The following LY86 variants were observed in gnomAD, a reference collection of about 807,000 sequenced individuals.
LY86 encodes the protein lymphocyte antigen 86, also known as MD-1, RP105-associated.
A neutral mutation model predicts 17.3 loss-of-function variants in LY86; 20 were observed. The observed-to-expected ratio is 1.15, with a 90% CI of 0.81 to 1.68. The LOEUF is 1.68. LY86 is among the 40% of genes most tolerant of loss of function. LY86 has a pLI of 0.00. For synonymous variants in LY86, 74 were observed against 70.6 expected (o/e 1.05, Z -0.24); for missense variants, 200 against 191.9 (o/e 1.04, Z -0.25).
intron 1 of LY86, among the ~76,000 whole-genome samples, chr6:6,621,864 G>A (rs541517563): frequency 1.3e-5 from 2 of 152,144 alleles, no homozygotes; most frequent in South Asian, 2.1e-4. Flanking sequence ...GAATGACAGA[G>A]GTATACAAAC....
chr6:6,593,233 G>A (rs1046500997), intron 1 of LY86, among the ~76,000 whole-genome samples: 2 of 152,210 alleles, frequency 1.3e-5, no homozygotes, highest in Non-Finnish European at 2.9e-5. Flanking sequence ...GCATTCCTTG[G>A]CCTGAGGCTT....
At chr6:6,652,503 C>T (rs988233715) in intron 4 of LY86, among the ~76,000 whole-genome samples, 12 of 152,204 alleles carry the variant, frequency 7.9e-5, no homozygotes, top group African/African-American at 2.9e-4. Flanking sequence ...CATCCAACCC[C>T]TTGGCCCGGA....
chr6:6,639,880 G>A (rs1762014006), intron 3 of LY86, among the ~76,000 whole-genome samples: 1 of 152,180 alleles, frequency 6.6e-6, no homozygotes, highest in Non-Finnish European at 1.5e-5. Context: ...TGTGTGCCAT[G>A]TGAAAAGGCC....
chr6:6,600,302 C>T (rs1020775284), intron 1 of LY86, among the ~76,000 whole-genome samples: 2 of 152,028 alleles, frequency 1.3e-5, no homozygotes, highest in Non-Finnish European at 2.9e-5. Flanking sequence ...GAAAATATAG[C>T]AGGTCAACCA....
chr6:6,618,705 C>T (rs995555667), intron 1 of LY86, among the ~76,000 whole-genome samples: 36 of 152,148 alleles, frequency 2.4e-4, no homozygotes, highest in Admixed American at 1.2e-3. Flanking sequence ...CCAGTTCATA[C>T]GTATGACTTG....
chr6:6,619,078 C>T lies in LY86; in HGVS notation c.137-5848C>T, dbSNP rs138334414. 1.0e-3 allele frequency among the ~76,000 whole-genome samples: 154 copies of T among 152,248 alleles called. 2 individuals are homozygous for T. The highest frequency in any genetic ancestry group is 6.8e-3 in the Middle Eastern group (2 of 294). ...TGCATCATCCTCCTGTAAAGGTCTA[C>T]GGTGACCCTTGAACGTCATCCTATG... On this transcript the variant is annotated intron_variant, in intron 1 of 4. Transcript: ENST00000230568.
chr6:6,599,283 G>C (rs1201975562), intron 1 of LY86, among the ~76,000 whole-genome samples: 1 of 152,196 alleles, frequency 6.6e-6, no homozygotes, highest in Non-Finnish European at 1.5e-5. Flanking sequence ...GTCTTCAGGA[G>C]CTCAAAACAG....
chr6:6,648,700 C>T (rs538077285), intron 3 of LY86, among the ~76,000 whole-genome samples: 2 of 152,136 alleles, frequency 1.3e-5, no homozygotes, highest in South Asian at 4.2e-4. Context: ...TTATTGATTA[C>T]CTCTTTTAAT....
intron 1 of LY86, among the ~76,000 whole-genome samples, chr6:6,612,470 A>G (rs1004396824): frequency 6.6e-6 from 1 of 152,202 alleles, no homozygotes; most frequent in Non-Finnish European, 1.5e-5. Context: ...TCATAAAAGC[A>G]ATGCAGACCC....
chr6:6,634,927 C>T (rs1200677668), intron 3 of LY86, among the ~76,000 whole-genome samples: 1 of 152,178 alleles, frequency 6.6e-6, no homozygotes, highest in East Asian at 1.9e-4. Flanking sequence ...TTACCCTCTG[C>T]GCTGCTGGAG....
At chr6:6,612,540 A>C (rs6936613) in intron 1 of LY86, among the ~76,000 whole-genome samples, 6 of 151,880 alleles carry the variant, frequency 4.0e-5, no homozygotes, top group Admixed American at 2.0e-4. Context: ...AACCACACAA[A>C]AGCAACGAAA....
At chr6:6,590,660 G>T (rs1002588886) in intron 1 of LY86, among the ~76,000 whole-genome samples, 2 of 152,188 alleles carry the variant, frequency 1.3e-5, no homozygotes, top group African/African-American at 4.8e-5. Flanking sequence ...TTGTGCAAAC[G>T]CATGGCATTG....
At chr6:6,610,993 G>A (rs990093243) in intron 1 of LY86, among the ~76,000 whole-genome samples, 2 of 152,152 alleles carry the variant, frequency 1.3e-5, no homozygotes, top group Admixed American at 1.3e-4. Flanking sequence ...ACCACTTTAA[G>A]CAATAGAGGA....
rs998478087 is a variant in LY86 at position 6,616,824 on chromosome 6, G to A, written c.137-8102G>A. Reference sequence around the variant, plus strand: ...ATCATCTTTGCAGCTGTGCAGTCACGTAAACCACCCTGTGCATCTGGCCCT... The same window carrying A: ...ATCATCTTTGCAGCTGTGCAGTCACATAAACCACCCTGTGCATCTGGCCCT... On this transcript the variant is annotated intron_variant, in intron 1 of 4. Transcript: ENST00000230568. 3.3e-5 allele frequency among the ~76,000 whole-genome samples: 5 copies of A among 152,224 alleles called. No individual in the cohort carries two copies. The East Asian group carries it at 5.8e-4, about 18-fold the overall frequency.
chr6:6,622,301 T>C (rs1224052104), intron 1 of LY86, among the ~76,000 whole-genome samples: 1 of 152,222 alleles, frequency 6.6e-6, no homozygotes, highest in African/African-American at 2.4e-5. Flanking sequence ...ACAGTGTAAT[T>C]CTATAGCTGC....
At chr6:6,631,746 C>T (rs1761901998) in intron 3 of LY86, among the ~76,000 whole-genome samples, 1 of 152,132 alleles carries the variant, frequency 6.6e-6, no homozygotes, top group Non-Finnish European at 1.5e-5. Context: ...ACCATATGGT[C>T]TCTGTGGCAA....
rs916625233 is a variant in LY86, at chr6:6,638,244, C to A, written c.353-11381C>A. Among the ~76,000 whole-genome samples the A allele has an allele frequency of 3.3e-5, 5 of 152,312 alleles. No homozygotes were observed. In the East Asian group the frequency reaches 9.7e-4, roughly 29 times the overall value. On this transcript the variant is annotated intron_variant, in intron 3 of 4. Coordinates refer to ENST00000230568, the MANE Select transcript of LY86 (RefSeq NM_004271.4). ...TATGAAAAAAATAATGTAAATATCT[C>A]ATTAAGACTCTTTATATTGGTTCCA...
chr6:6,593,285 C>T (rs1760589147), intron 1 of LY86, among the ~76,000 whole-genome samples: 1 of 152,358 alleles, frequency 6.6e-6, no homozygotes, highest in Admixed American at 6.5e-5. Flanking sequence ...ATCTTGCTTC[C>T]TTCTATCATC....
Position 6,625,014 on chromosome 6 carries a change from TA to T in LY86, c.223+4del. The T allele has an allele frequency of 7.3e-7, 1 of 1,371,014 alleles. No homozygotes were observed. The highest frequency in any genetic ancestry group is 1.0e-6 in the Non-Finnish European group (1 of 974,028). The allele number at this position is 1,371,014 out of a possible 1,614,324, so 84.9% of individuals were successfully genotyped here. On this transcript the variant is annotated splice_donor_region_variant and intron_variant, in intron 2 of 4. Coordinates refer to ENST00000230568, the MANE Select transcript of LY86 (RefSeq NM_004271.4). ...ACATTAGATTTGGAATTATTCTGAGTAAGTAAAAAAAATGATTAGCATGAAA... is the reference window on the plus strand; with the variant it reads ...ACATTAGATTTGGAATTATTCTGAGTAGTAAAAAAAATGATTAGCATGAAA...
Sources: gnomAD v4.1 joint callset for allele counts (sites outside exome capture counted in the v4.1 genomes callset) on GRCh38, gnomAD v4.1.1 for gene constraint, MANE v1.5 for transcripts, NCBI Gene and HGNC (gene_info 2026-07-23, HGNC 2026-07-21) for gene names.